Variants in CCAR1 observed in about 807,000 individuals in gnomAD.
CCAR1 encodes the protein cell division cycle and apoptosis regulator 1, also known as cell division cycle and apoptosis regulator protein 1.
A neutral mutation model predicts 163.8 loss-of-function variants in CCAR1; 78 were observed. The observed-to-expected ratio is 0.48, with a 90% CI of 0.40 to 0.57. CCAR1 has a LOEUF of 0.57. Ranked by LOEUF, CCAR1 falls within the 20% of genes least tolerant of loss-of-function variation. CCAR1 has a pLI of 0.00. For missense variants in CCAR1, 1,019 were observed against 1,365.2 expected (o/e 0.75, Z 4.00); for synonymous variants, 443 against 460.7 (o/e 0.96, Z 0.49).
chr10:68,776,574 GA>G (rs2056669977), intron 19 of CCAR1, among the ~76,000 whole-genome samples: 1 of 152,006 alleles, frequency 6.6e-6, no homozygotes, highest in African/African-American at 2.4e-5. Context: ...CTGTAAAAAA[GA>G]AAAAGATAAG....
intron 13 of CCAR1, 111 bp downstream of exon 13, chr10:68,755,647 A>G: frequency 1.2e-6 from 1 of 809,030 alleles, no homozygotes; most frequent in Non-Finnish European, 1.9e-6. Context: ...TGGTCAATGC[A>G]GGTAATCTCA....
intron 19 of CCAR1, among the ~76,000 whole-genome samples, chr10:68,778,944 G>A (rs1428976676): frequency 2.6e-5 from 4 of 152,136 alleles, no homozygotes; most frequent in African/African-American, 9.7e-5. Context: ...TCCGCCTCCC[G>A]GATTCAAGCA....
At chr10:68,751,556 GCTT>G (rs1488544310) in intron 10 of CCAR1, among the ~76,000 whole-genome samples, 1 of 152,016 alleles carries the variant, frequency 6.6e-6, no homozygotes, top group Non-Finnish European at 1.5e-5. Context: ...CAGCTATTTA[GCTT>G]CTTCTCAATT....
chr10:68,728,565 TTCTG>T (rs2055983573), intron 2 of CCAR1, among the ~76,000 whole-genome samples: 2 of 152,140 alleles, frequency 1.3e-5, no homozygotes, highest in Non-Finnish European at 1.5e-5. Context: ...TCCAAAGGAC[TTCTG>T]TCTGAGAGCG....
chr10:68,741,547 A>G (rs1393440156), intron 5 of CCAR1, among the ~76,000 whole-genome samples: 3 of 152,202 alleles, frequency 2.0e-5, no homozygotes, highest in Non-Finnish European at 4.4e-5. Context: ...TTTGCTGATC[A>G]CTGGTTAATA....
chr10:68,754,570 A>G, intron 11 of CCAR1, 144 bp from the exon 12 acceptor site: 1 of 566,068 alleles, frequency 1.8e-6, no homozygotes, highest in Non-Finnish European at 3.1e-6. Flanking sequence ...AGGCTGAGGT[A>G]TCTAATACTG....
rs141070359 is a variant in CCAR1, at chr10:68,740,739, C to G, written c.324+78C>G. The G allele has an allele frequency of 1.3e-3, 1,544 of 1,167,428 alleles. 21 individuals carry two copies. The African/African-American group carries it at 0.021, about 16-fold the overall frequency. The allele number at this position is 1,167,428 out of a possible 1,614,324, so 72.3% of individuals were successfully genotyped here. On this transcript the variant is annotated intron_variant, in intron 5 of 24. Coordinates refer to ENST00000265872, the MANE Select transcript of CCAR1 (RefSeq NM_018237.4). ...AAGCTTTATTAGTATTCTACTTTTT[C>G]TTTCAGGGTTTAGTTACTTGTTAGA...
chr10:68,768,003 T>C (rs1443819857), intron 17 of CCAR1, among the ~76,000 whole-genome samples: 3 of 152,224 alleles, frequency 2.0e-5, no homozygotes, highest in African/African-American at 7.2e-5. Flanking sequence ...TTACTGTGTT[T>C]AATTATTGTA....
intron 6 of CCAR1, among the ~76,000 whole-genome samples, chr10:68,743,259 C>G (rs955921913): frequency 6.8e-6 from 1 of 147,532 alleles, no homozygotes; most frequent in Non-Finnish European, 1.5e-5. Context: ...TGCAGTGGTT[C>G]GATCTCAGCT....
At chr10:68,736,813 T>A (rs544308225) in intron 2 of CCAR1, 63 bp from the exon 3 acceptor site, 1 of 1,463,674 alleles carries the variant, frequency 6.8e-7, no homozygotes, top group East Asian at 2.3e-5. Flanking sequence ...ATGTACTGTT[T>A]TCATATTTTT....
At chr10:68,754,100 C>T in intron 11 of CCAR1, 23 bp downstream of exon 11, 1 of 1,474,464 alleles carries the variant, frequency 6.8e-7, no homozygotes, top group African/African-American at 1.4e-5. Context: ...CTGTGATATG[C>T]AGCTTAAATT....
chr10:68,789,218 T>A (rs947798164), intron 23 of CCAR1, among the ~76,000 whole-genome samples: 6 of 151,824 alleles, frequency 4.0e-5, no homozygotes, highest in Admixed American at 1.3e-4. Flanking sequence ...CTCCACTTAG[T>A]TTTTACCAGT....
At chr10:68,721,505 C>T (rs1311716786) in intron 1 of CCAR1, 1 of 439,328 alleles carries the variant, frequency 2.3e-6, no homozygotes, top group Non-Finnish European at 4.5e-6. Context: ...CGCTCGGCTC[C>T]TCAGGTGCCC....
At chr10:68,765,141 C>T (rs896101404) in intron 16 of CCAR1, among the ~76,000 whole-genome samples, 2 of 152,130 alleles carry the variant, frequency 1.3e-5, no homozygotes, top group African/African-American at 4.8e-5. Flanking sequence ...CACTTTTTAC[C>T]TGGGCGTTCT....
At chr10:68,732,615 C>T (rs2056056417) in intron 2 of CCAR1, among the ~76,000 whole-genome samples, 1 of 152,192 alleles carries the variant, frequency 6.6e-6, no homozygotes, top group Non-Finnish European at 1.5e-5. Context: ...TCCCAGAGTG[C>T]TGGGATTACA....
intron 17 of CCAR1, 27 bp downstream of exon 17, chr10:68,766,106 C>G (rs997434278): frequency 7.2e-7 from 1 of 1,398,466 alleles, no homozygotes; most frequent in Non-Finnish European, 1.0e-6. Context: ...GAAATAAGAT[C>G]CATATAAGGT....
intron 2 of CCAR1, among the ~76,000 whole-genome samples, chr10:68,732,489 A>G (rs1454634016): frequency 6.6e-6 from 1 of 151,970 alleles, no homozygotes; most frequent in Non-Finnish European, 1.5e-5. Context: ...AGCTGGTACT[A>G]CAGGTGTGCA....
chr10:68,722,988 A>G (rs913591878), intron 2 of CCAR1, among the ~76,000 whole-genome samples: 6 of 152,128 alleles, frequency 3.9e-5, no homozygotes, highest in African/African-American at 1.4e-4. Flanking sequence ...AGTGTTTGCA[A>G]ATTGTGAATT....
intron 19 of CCAR1, among the ~76,000 whole-genome samples, chr10:68,784,060 T>A (rs1282888330): frequency 1.3e-5 from 2 of 152,058 alleles, no homozygotes; most frequent in African/African-American, 4.8e-5. Flanking sequence ...GCCCGGCCAA[T>A]TGTTTGCTTC....
Sources: gnomAD v4.1 joint callset for allele counts (sites outside exome capture counted in the v4.1 genomes callset) on GRCh38, gnomAD v4.1.1 for gene constraint, MANE v1.5 for transcripts, NCBI Gene and HGNC (gene_info 2026-07-23, HGNC 2026-07-21) for gene names.